Variants in KLHL29 observed in about 807,000 individuals in gnomAD.
The protein encoded by KLHL29 is kelch-like protein 29.
Under a neutral mutation model 80.4 loss-of-function variants are expected in KLHL29, and 21 were observed. The ratio of observed to expected loss-of-function variants is 0.26; its 90% CI spans 0.19 to 0.38. KLHL29 has a LOEUF of 0.38. Among genes scored for constraint, KLHL29 ranks in the 10% least tolerant of loss-of-function variants. The pLI is 1.00. For missense variants in KLHL29, 867 were observed against 1,223.9 expected (o/e 0.71, Z 4.35); for synonymous variants, 511 against 526.8 (o/e 0.97, Z 0.41).
intron 2 of KLHL29, among the ~76,000 whole-genome samples, chr2:23,530,008 C>T (rs1666444147): frequency 6.6e-6 from 1 of 151,426 alleles, no homozygotes; most frequent in African/African-American, 2.5e-5. Flanking sequence ...GCACTTCAGT[C>T]CGGCTCTTTC....
rs1356394753 is a variant in KLHL29, at chr2:23,708,195, T to TG, written c.*1532dup. Reference sequence around the variant, plus strand: ...GGGCATCAACTTCTAGCACTACGAGTGTGGCTCCCACTTGGACAAGATACC... The same window carrying TG: ...GGGCATCAACTTCTAGCACTACGAGTGGTGGCTCCCACTTGGACAAGATACC... On this transcript the variant is annotated 3_prime_UTR_variant, in exon 14 of 14. Transcript: ENST00000486442. 1 of 152,236 alleles carries TG rather than the reference T, an allele frequency of 6.6e-6. No homozygotes were observed. Among genetic ancestry groups the TG allele is most frequent in the African/African-American group, 2.4e-5 (1 of 41,450 alleles). 9.4% of individuals were successfully genotyped at this position (152,236 alleles called of 1,614,324 possible).
intron 2 of KLHL29, among the ~76,000 whole-genome samples, chr2:23,536,918 A>ACACACACACACACACACACACTCTCT (rs143009876): frequency 2.8e-5 from 4 of 140,648 alleles, no homozygotes; most frequent in African/African-American, 1.1e-4. Context: ...ACACACACAC[A>ACACACACACACACACACACACTCTCT]CTCTCTCTCT....
At chr2:23,611,169 A>G (rs761007686) in intron 3 of KLHL29, among the ~76,000 whole-genome samples, 2 of 152,230 alleles carry the variant, frequency 1.3e-5, no homozygotes, top group Non-Finnish European at 2.9e-5. Flanking sequence ...AGAGGTAACA[A>G]GACACGGTGA....
At chr2:23,633,340 T>C (rs185077017) in intron 3 of KLHL29, among the ~76,000 whole-genome samples, 11 of 152,364 alleles carry the variant, frequency 7.2e-5, no homozygotes, top group Admixed American at 3.3e-4. Context: ...ATATTTATGC[T>C]GCCCCTAATC....
chr2:23,538,163 G>T (rs542594791), intron 2 of KLHL29, among the ~76,000 whole-genome samples: 1 of 152,126 alleles, frequency 6.6e-6, no homozygotes, highest in East Asian at 1.9e-4. Flanking sequence ...ATGGATCTCG[G>T]GTTTCTCTTG....
At chr2:23,524,847 A>C (rs1014397411) in intron 2 of KLHL29, among the ~76,000 whole-genome samples, 1 of 152,230 alleles carries the variant, frequency 6.6e-6, no homozygotes, top group Admixed American at 6.5e-5. Context: ...TCAGCAAAAG[A>C]ATTGGAAGGC....
intron 3 of KLHL29, among the ~76,000 whole-genome samples, chr2:23,588,885 C>T (rs1417802872): frequency 6.6e-6 from 1 of 152,178 alleles, no homozygotes; most frequent in African/African-American, 2.4e-5. Flanking sequence ...AGAGAGGCAC[C>T]AGGAGGCAAT....
chr2:23,452,913 C>T (rs1663928910), intron 1 of KLHL29, among the ~76,000 whole-genome samples: 1 of 122,078 alleles, frequency 8.2e-6, no homozygotes, highest in East Asian at 2.0e-4. Context: ...CCCCCCCGCC[C>T]ACACACACAC....
chr2:23,621,907 G>A (rs1407041972), intron 3 of KLHL29, among the ~76,000 whole-genome samples: 3 of 152,170 alleles, frequency 2.0e-5, no homozygotes, highest in Admixed American at 1.3e-4. Context: ...GAGCGTGAAG[G>A]TGGAGACACT....
chr2:23,406,157 C>T (rs930882774), intron 1 of KLHL29, among the ~76,000 whole-genome samples: 4 of 151,888 alleles, frequency 2.6e-5, no homozygotes, highest in East Asian at 1.9e-4. Flanking sequence ...GATGAAACCC[C>T]GTCTCTACTA....
At chr2:23,644,191 C>T (rs1391236555) in intron 5 of KLHL29, 15 of 151,952 alleles carry the variant, frequency 9.9e-5, no homozygotes, top group Admixed American at 8.5e-4. Context: ...TTCTGGTAAA[C>T]TCTTGCTTTA....
At chr2:23,673,142 C>T (rs1345475434) in intron 5 of KLHL29, among the ~76,000 whole-genome samples, 1 of 152,124 alleles carries the variant, frequency 6.6e-6, no homozygotes, top group African/African-American at 2.4e-5. Context: ...TGCCAGGCCT[C>T]ATGCTCACAC....
chr2:23,393,576 C>A (rs1165621281), intron 1 of KLHL29, among the ~76,000 whole-genome samples: 3 of 152,186 alleles, frequency 2.0e-5, no homozygotes, highest in Non-Finnish European at 2.9e-5. Context: ...CTGGAAATCA[C>A]AGAGGCACTT....
Position 23,701,808 on chromosome 2 carries a change from T to C in KLHL29, c.2106-1378T>C, listed in dbSNP as rs1156643804. 4.9e-4 allele frequency among the ~76,000 whole-genome samples: 70 copies of C among 142,998 alleles called. 1 individual carries two copies. Among genetic ancestry groups the C allele is most frequent in the African/African-American group, 1.6e-3 (63 of 38,404 alleles). The allele number at this position is 142,998 out of a possible 152,430, so 93.8% of individuals were successfully genotyped here. A position where few individuals can be genotyped will look rare whatever the true frequency, so the allele number is the denominator to read the frequency against. On this transcript the variant is annotated intron_variant, in intron 11 of 13. Transcript: ENST00000486442. The stretch of plus-strand genomic sequence containing the variant: ...CTTTTTTTTGCTTTTTTTTTTTTTT[T>C]TTTTTTTTTTTCAGACGGAGTTTTG...
chr2:23,494,466 C>G (rs774152069), intron 2 of KLHL29, among the ~76,000 whole-genome samples: 1 of 152,174 alleles, frequency 6.6e-6, no homozygotes, highest in African/African-American at 2.4e-5. Context: ...AGGCACGCCA[C>G]AGGCCTGAGC....
intron 1 of KLHL29, among the ~76,000 whole-genome samples, chr2:23,444,722 T>C (rs1249880376): frequency 1.3e-5 from 2 of 152,212 alleles, no homozygotes; most frequent in African/African-American, 4.8e-5. Context: ...ATAACACCAA[T>C]ATTATTACTA....
At chr2:23,411,270 G>T (rs1352887465) in intron 1 of KLHL29, among the ~76,000 whole-genome samples, 4 of 152,148 alleles carry the variant, frequency 2.6e-5, no homozygotes, top group African/African-American at 9.7e-5. Flanking sequence ...TTGAGGACAG[G>T]GTAGTGAGAA....
chr2:23,684,298 T>C lies in KLHL29; in HGVS notation c.941-101T>C. On this transcript the variant is annotated intron_variant, in intron 5 of 13. Transcript: ENST00000486442. This position sits in a 1 kb window ranked among gnomAD's most constrained non-coding sequence, Gnocchi z 4.4. ...CCAAGAAACAATATCAAGTATTTCC[T>C]ATTTCTCTACTTCTTGAAAAAAGAA... The C allele has an allele frequency of 2.3e-6, 2 of 875,548 alleles. No individual in the cohort carries two copies. The highest frequency in any genetic ancestry group is 7.5e-5 in the Admixed American group (2 of 26,538). 54.2% of individuals were successfully genotyped at this position (875,548 alleles called of 1,614,324 possible).
At chr2:23,532,553 T>C (rs1176059031) in intron 2 of KLHL29, 2 of 456,702 alleles carry the variant, frequency 4.4e-6, no homozygotes, top group Admixed American at 2.3e-5. Context: ...TATGTTAAAA[T>C]CTCACTTTCA....
Sources: gnomAD v4.1 joint callset for allele counts (sites outside exome capture counted in the v4.1 genomes callset) on GRCh38, gnomAD v4.1.1 for gene constraint, Gnocchi (gnomAD v3.1) non-coding constraint, MANE v1.5 for transcripts, NCBI Gene and HGNC (gene_info 2026-07-23, HGNC 2026-07-21) for gene names.